SIPA1L1: variants seen among roughly 807,000 people sequenced by gnomAD.
SIPA1L1 encodes signal-induced proliferation-associated 1-like protein 1.
Under a neutral mutation model 162.7 loss-of-function variants are expected in SIPA1L1, and 26 were observed. The ratio of observed to expected loss-of-function variants is 0.16; its 90% CI spans 0.12 to 0.22. The LOEUF is 0.22. Among genes scored for constraint, SIPA1L1 ranks in the 10% least tolerant of loss-of-function variants. SIPA1L1 has a pLI of 1.00. For missense variants in SIPA1L1, 1,874 were observed against 2,241.0 expected, an observed-to-expected ratio of 0.84 and a Z score of 3.31; for synonymous variants, 829 against 837.4, an observed-to-expected ratio of 0.99 and a Z score of 0.17.
At chr14:71,659,600 G>A (rs1036082303) in intron 9 of SIPA1L1, among the ~76,000 whole-genome samples, 1 of 152,136 alleles carries the variant, frequency 6.6e-6, no homozygotes, top group Non-Finnish European at 1.5e-5. Context: ...TGACCAGTCA[G>A]TAGATAAAAA....
chr14:71,618,636 T>C (rs1596454194), intron 5 of SIPA1L1, 121 bp from the exon 6 acceptor site: 1 of 873,158 alleles, frequency 1.1e-6, no homozygotes, highest in East Asian at 2.7e-5. Context: ...TTAATATTTG[T>C]TAAATGTTTA....
intron 2 of SIPA1L1, among the ~76,000 whole-genome samples, chr14:71,417,491 A>AAAAAAAAAAAAAG: frequency 1.4e-5 from 2 of 145,818 alleles, no homozygotes; most frequent in African/African-American, 2.5e-5. Flanking sequence ...AAAAAAAAAA[A>AAAAAAAAAAAAAG]AAAAAAAAAA....
chr14:71,478,315 T>C (rs2048048290), intron 2 of SIPA1L1, among the ~76,000 whole-genome samples: 2 of 152,212 alleles, frequency 1.3e-5, no homozygotes, highest in East Asian at 3.8e-4. Flanking sequence ...TTTCCAAGTC[T>C]ATACCTTATT....
intron 4 of SIPA1L1, among the ~76,000 whole-genome samples, chr14:71,567,416 C>G (rs2030898087): frequency 6.6e-6 from 1 of 151,902 alleles, no homozygotes; most frequent in African/African-American, 2.4e-5. Context: ...TATAAAGGAT[C>G]TATAACTTTT....
chr14:71,322,669 A>G (rs1256792555), intron 2 of SIPA1L1, among the ~76,000 whole-genome samples: 1 of 152,256 alleles, frequency 6.6e-6, no homozygotes, highest in Admixed American at 6.5e-5. Flanking sequence ...TTGTTTCCAC[A>G]TAAATGGTTA....
intron 14 of SIPA1L1, 46 bp downstream of exon 14, chr14:71,699,173 T>C: frequency 6.3e-7 from 1 of 1,584,192 alleles, no homozygotes; most frequent in Non-Finnish European, 8.7e-7. Flanking sequence ...GTTGGCATCA[T>C]TTCTTTCATC....
chr14:71,529,435 A>T, intron 4 of SIPA1L1, 65 bp downstream of exon 4: 1 of 574,654 alleles, frequency 1.7e-6, no homozygotes, highest in Non-Finnish European at 3.2e-6. Context: ...TCTGTGTTTA[A>T]ATTTCTGATT....
At chr14:71,591,574 C>G (rs1222184272) in intron 5 of SIPA1L1, among the ~76,000 whole-genome samples, 1 of 152,164 alleles carries the variant, frequency 6.6e-6, no homozygotes, top group Non-Finnish European at 1.5e-5. Flanking sequence ...CCCTTTTACC[C>G]AGCATAATTG....
At chr14:71,420,491 G>C (rs1195934856) in intron 2 of SIPA1L1, among the ~76,000 whole-genome samples, 2 of 152,154 alleles carry the variant, frequency 1.3e-5, no homozygotes, top group Non-Finnish European at 2.9e-5. Flanking sequence ...TAAAATCTTG[G>C]ATGTTCTTAA....
intron 2 of SIPA1L1, among the ~76,000 whole-genome samples, chr14:71,499,623 G>A (rs2050047827): frequency 6.6e-6 from 1 of 152,086 alleles, no homozygotes; most frequent in Non-Finnish European, 1.5e-5. Flanking sequence ...ATTTCAGGAT[G>A]TGAAATAGGA....
chr14:71,593,478 C>T (rs886086955), intron 5 of SIPA1L1, among the ~76,000 whole-genome samples: 4 of 152,036 alleles, frequency 2.6e-5, no homozygotes, highest in Admixed American at 6.5e-5. Flanking sequence ...TCCCAAAGTG[C>T]GGTATTACAA....
chr14:71,484,092 T>C (rs560839627), intron 2 of SIPA1L1, among the ~76,000 whole-genome samples: 10 of 152,200 alleles, frequency 6.6e-5, no homozygotes, highest in Admixed American at 5.2e-4. Context: ...CGGACACATA[T>C]AATAGACACT....
chr14:71,635,268 A>G (rs1339269527), intron 7 of SIPA1L1, among the ~76,000 whole-genome samples: 4 of 152,204 alleles, frequency 2.6e-5, no homozygotes, highest in Admixed American at 2.0e-4. Context: ...AACAAAAGCG[A>G]AACTCCATCT....
chr14:71,365,476 C>T (rs1384251667), intron 2 of SIPA1L1, among the ~76,000 whole-genome samples: 1 of 152,142 alleles, frequency 6.6e-6, no homozygotes, highest in African/African-American at 2.4e-5. Flanking sequence ...TTAGTCATGA[C>T]TGCCTTTGTG....
chr14:71,373,569 A>G (rs184973047), intron 2 of SIPA1L1, among the ~76,000 whole-genome samples: 1 of 151,024 alleles, frequency 6.6e-6, no homozygotes, highest in East Asian at 1.9e-4. Context: ...AGGCAGGAAA[A>G]TCGCTTGAAC....
intron 4 of SIPA1L1, among the ~76,000 whole-genome samples, chr14:71,581,144 T>G (rs565907902): frequency 3.1e-4 from 47 of 152,070 alleles, no homozygotes; most frequent in African/African-American, 1.1e-3. Flanking sequence ...CATGGTCAAA[T>G]CAGTTAAGAA....
intron 3 of SIPA1L1, among the ~76,000 whole-genome samples, chr14:71,527,955 T>G (rs959848999): frequency 6.6e-6 from 1 of 152,194 alleles, no homozygotes; most frequent in Non-Finnish European, 1.5e-5. Context: ...CAGCACAATC[T>G]CAGCTCACTG....
chr14:71,594,991 A>G (rs1048499463), intron 5 of SIPA1L1, among the ~76,000 whole-genome samples: 4 of 152,190 alleles, frequency 2.6e-5, no homozygotes, highest in African/African-American at 9.6e-5. Context: ...TCTTTTCTTC[A>G]CTGTGATCTC....
intron 2 of SIPA1L1, among the ~76,000 whole-genome samples, chr14:71,347,652 TC>T (rs1423821290): frequency 6.6e-5 from 10 of 152,242 alleles, no homozygotes; most frequent in African/African-American, 2.4e-4. Flanking sequence ...TCCCAGTTTC[TC>T]CACATCTTTG....
Sources: allele counts gnomAD v4.1 joint callset (sites outside exome capture counted in the v4.1 genomes callset), GRCh38; gene constraint gnomAD v4.1.1; transcripts MANE v1.5; gene names NCBI Gene and HGNC (gene_info 2026-07-23, HGNC 2026-07-21).